The following CTNND2 variants were observed in gnomAD, a reference collection of about 807,000 sequenced individuals.
The protein encoded by CTNND2 is catenin delta-2.
CTNND2 carries 22 observed loss-of-function variants against 144.4 expected under a neutral mutation model. That is an observed-to-expected ratio of 0.15 (90% confidence interval 0.11 to 0.22). The LOEUF (loss-of-function observed/expected upper bound fraction) is 0.22. Ranked by LOEUF, CTNND2 falls within the 10% of genes least tolerant of loss-of-function variation. The pLI is 1.00. For synonymous variants in CTNND2, 751 were observed against 695.6 expected, an observed-to-expected ratio of 1.08 and a Z score of -1.25; for missense variants, 1,353 against 1,618.8, an observed-to-expected ratio of 0.84 and a Z score of 2.82.
At chr5:11,346,156 G>A (rs1580972408) in intron 9 of CTNND2, among the ~76,000 whole-genome samples, 1 of 152,068 alleles carries the variant, frequency 6.6e-6, no homozygotes, top group Admixed American at 6.5e-5. Context: ...TAGATACTCT[G>A]ATCAAAAGAT....
chr5:11,573,178 A>C (rs1777709493), intron 2 of CTNND2, among the ~76,000 whole-genome samples: 1 of 152,218 alleles, frequency 6.6e-6, no homozygotes, highest in Non-Finnish European at 1.5e-5. Flanking sequence ...AAGTTAATAC[A>C]TGTGAAGCAC....
chr5:11,239,031 C>T (rs1057343530), intron 9 of CTNND2, among the ~76,000 whole-genome samples: 13 of 152,186 alleles, frequency 8.5e-5, no homozygotes, highest in African/African-American at 1.7e-4. Flanking sequence ...CAAATTAATT[C>T]GAAATCTACT....
intron 18 of CTNND2, among the ~76,000 whole-genome samples, chr5:10,996,830 C>T (rs1436907921): frequency 2.0e-5 from 3 of 152,074 alleles, no homozygotes; most frequent in Non-Finnish European, 2.9e-5. Context: ...ATCTCCTGAC[C>T]TCTTGATCCG....
intron 3 of CTNND2, among the ~76,000 whole-genome samples, chr5:11,518,605 G>C (rs1446564119): frequency 1.3e-5 from 2 of 152,234 alleles, no homozygotes; most frequent in East Asian, 3.9e-4. Flanking sequence ...CATGGTTTAA[G>C]TGTCTTATAC....
intron 16 of CTNND2, among the ~76,000 whole-genome samples, chr5:11,032,980 A>G (rs568221455): frequency 6.6e-6 from 1 of 152,340 alleles, no homozygotes; most frequent in East Asian, 1.9e-4. Context: ...CTGTACACAT[A>G]TACTGCAATG....
In CTNND2 at chr5:11,072,387, A is replaced by G. The variant is rs141541666; in HGVS notation, c.2788+10309T>C. On this transcript the variant is annotated intron_variant, in intron 16 of 21. Transcript: ENST00000304623. Reference sequence around the variant, plus strand: ...TGGGATTGAAGGCTATTATATGCTTAGGAAATAAGCCACTCTATGCTTCAA... The same window carrying G: ...TGGGATTGAAGGCTATTATATGCTTGGGAAATAAGCCACTCTATGCTTCAA... 6.2e-4 allele frequency among the ~76,000 whole-genome samples: 94 copies of G among 152,358 alleles called. No individual in the cohort carries two copies. In the East Asian group the frequency reaches 0.017, roughly 28 times the overall value.
At chr5:11,228,724 C>A (rs909765449) in intron 10 of CTNND2, among the ~76,000 whole-genome samples, 8 of 152,052 alleles carry the variant, frequency 5.3e-5, no homozygotes, top group African/African-American at 1.7e-4. Context: ...AAGCAATCCT[C>A]CCACCTCAGC....
intron 18 of CTNND2, among the ~76,000 whole-genome samples, chr5:11,007,434 T>C (rs1740601595): frequency 6.6e-6 from 1 of 152,248 alleles, no homozygotes; most frequent in South Asian, 2.1e-4. Flanking sequence ...TTCACTCAGC[T>C]TTAACCTCGG....
intron 1 of CTNND2, among the ~76,000 whole-genome samples, chr5:11,842,105 A>G (rs540822359): frequency 2.7e-5 from 4 of 149,178 alleles, no homozygotes; most frequent in African/African-American, 9.7e-5. Flanking sequence ...TATTTACCAC[A>G]CAAATTCTCA....
chr5:11,579,282 A>C (rs941284158), intron 2 of CTNND2, among the ~76,000 whole-genome samples: 2 of 152,128 alleles, frequency 1.3e-5, no homozygotes, highest in Non-Finnish European at 2.9e-5. Flanking sequence ...TGATAAATGT[A>C]CCACCGTTGA....
intron 2 of CTNND2, among the ~76,000 whole-genome samples, chr5:11,646,380 C>T (rs1320082407): frequency 1.3e-5 from 2 of 152,148 alleles, no homozygotes; most frequent in African/African-American, 2.4e-5. Context: ...AGACGGCAGA[C>T]AGCAAAGCTG....
At chr5:11,803,163 T>C (rs1581910764) in intron 1 of CTNND2, among the ~76,000 whole-genome samples, 1 of 151,710 alleles carries the variant, frequency 6.6e-6, no homozygotes, top group Admixed American at 6.6e-5. Flanking sequence ...CTACTAAAAA[T>C]ACAAAAATTA....
chr5:11,779,358 T>A (rs1306281559), intron 1 of CTNND2, among the ~76,000 whole-genome samples: 1 of 152,250 alleles, frequency 6.6e-6, no homozygotes, highest in Non-Finnish European at 1.5e-5. Context: ...CACATTCCAT[T>A]GGTTTAGTGC....
At chr5:11,839,399 T>C (rs1794338707) in intron 1 of CTNND2, among the ~76,000 whole-genome samples, 1 of 152,130 alleles carries the variant, frequency 6.6e-6, no homozygotes, top group Non-Finnish European at 1.5e-5. Flanking sequence ...TCTATATCTG[T>C]GTAACAAACT....
chr5:11,240,273 C>G (rs1742129346), intron 9 of CTNND2, among the ~76,000 whole-genome samples: 1 of 127,468 alleles, frequency 7.8e-6, no homozygotes, highest in East Asian at 2.4e-4. Context: ...CACACACACC[C>G]AACACACACA....
chr5:11,511,125 T>C (rs1771603609), intron 3 of CTNND2, among the ~76,000 whole-genome samples: 1 of 152,212 alleles, frequency 6.6e-6, no homozygotes, highest in Non-Finnish European at 1.5e-5. Context: ...CATGTTGTCT[T>C]GTTGAGAGTT....
intron 7 of CTNND2, among the ~76,000 whole-genome samples, chr5:11,374,429 A>G (rs1430346201): frequency 6.6e-6 from 1 of 152,144 alleles, no homozygotes; most frequent in African/African-American, 2.4e-5. Flanking sequence ...CCTCCCTGGG[A>G]GTAGCTTTTG....
chr5:11,204,339 C>T (rs1737818557), intron 10 of CTNND2, among the ~76,000 whole-genome samples: 1 of 152,134 alleles, frequency 6.6e-6, no homozygotes, highest in African/African-American at 2.4e-5. Flanking sequence ...GGTTTTCATA[C>T]CCTTTGCCCT....
chr5:11,139,810 T>C (rs1388261099), intron 12 of CTNND2, among the ~76,000 whole-genome samples: 3 of 152,222 alleles, frequency 2.0e-5, no homozygotes, highest in African/African-American at 7.2e-5. Context: ...AAGTCAGCAA[T>C]GGGCCCACAG....
Sources: gnomAD v4.1 joint callset for allele counts (sites outside exome capture counted in the v4.1 genomes callset) on GRCh38, gnomAD v4.1.1 for gene constraint, MANE v1.5 for transcripts, NCBI Gene and HGNC (gene_info 2026-07-23, HGNC 2026-07-21) for gene names.